Variants in STX2 observed in about 807,000 individuals in gnomAD.
STX2 encodes the protein syntaxin-2.
STX2 carries 27 observed loss-of-function variants against 40.6 expected under a neutral mutation model. The observed-to-expected ratio is 0.66, with a 90% confidence interval of 0.49 to 0.92. STX2 has a LOEUF of 0.92. Ranked by LOEUF, STX2 falls within the 40% of genes least tolerant of loss-of-function variation. STX2 has a pLI of 0.00. For missense variants in STX2, 328 were observed against 366.1 expected (o/e 0.90, Z 0.85); for synonymous variants, 123 against 119.1 (o/e 1.03, Z -0.22).
At chr12:130,819,093 C>T (rs1053554654) in intron 3 of STX2, among the ~76,000 whole-genome samples, 2 of 152,216 alleles carry the variant, frequency 1.3e-5, no homozygotes, top group East Asian at 1.9e-4. Context: ...GCAGGTGGCG[C>T]GGCGCGGGCG....
Position 130,796,786 on chromosome 12 carries a change from G to A in STX2, c.787-666C>T, listed in dbSNP as rs115793632. Among the ~76,000 whole-genome samples the A allele has an allele frequency of 4.5e-3, 678 of 152,200 alleles. 9 individuals are homozygous for A. The highest frequency in any genetic ancestry group is 0.016 in the African/African-American group (648 of 41,534). ...CCCCACTGCCTCGTCATGAAGCCCC[G>A]ACACACTCAGTACTTGGCCTTTCGC... On this transcript the variant is annotated intron_variant, in intron 9 of 10. Coordinates refer to ENST00000392373, the MANE Select transcript of STX2 (RefSeq NM_194356.4).
At chr12:130,819,832 G>C (rs1307132559) in intron 3 of STX2, among the ~76,000 whole-genome samples, 1 of 151,882 alleles carries the variant, frequency 6.6e-6, no homozygotes, top group Non-Finnish European at 1.5e-5. Context: ...GCTGGGCGAC[G>C]GCACGAAGAG....
Position 130,821,702 on chromosome 12 carries a change from T to C in STX2, c.192A>G (p.Pro64=). 1.9e-6 allele frequency: 3 copies of C among 1,613,774 alleles called. No homozygotes were observed. The South Asian group carries it at 3.3e-5, about 18-fold the overall frequency. Residue 64 remains proline (P), a synonymous_variant, in exon 3 of 11, where the codon CCA becomes CCG. Coordinates refer to ENST00000392373, the MANE Select transcript of STX2 (RefSeq NM_194356.4). ...CCAACAACTTACTTCCTTCCGGGTT[T>C]GGTGCAGAAAGAATGATGCTGTGGT... The part of the protein sequence containing the change: ...KKNHSIILSA[P]NPEGKIKEEL...
chr12:130,798,495 C>T (rs751604560), intron 9 of STX2, 30 bp downstream of exon 9: 15 of 1,542,006 alleles, frequency 9.7e-6, no homozygotes, highest in Middle Eastern at 1.7e-4. Flanking sequence ...AAGAGAAAAA[C>T]GCAGCTTAAT....
chr12:130,796,294 G>T (rs1315503946), intron 9 of STX2, among the ~76,000 whole-genome samples, 174 bp from the exon 10 acceptor site: 1 of 152,152 alleles, frequency 6.6e-6, no homozygotes, highest in Non-Finnish European at 1.5e-5. Flanking sequence ...AGGAGTTTGA[G>T]ACCAGCCTGG....
intron 6 of STX2, among the ~76,000 whole-genome samples, chr12:130,805,275 C>G (rs921914238): frequency 6.6e-6 from 1 of 152,302 alleles, no homozygotes; most frequent in East Asian, 1.9e-4. Context: ...CCACCAAAAT[C>G]TACAAAACGA....
intron 6 of STX2, among the ~76,000 whole-genome samples, chr12:130,802,418 G>A (rs778889870): frequency 2.6e-5 from 4 of 152,208 alleles, no homozygotes; most frequent in East Asian, 1.9e-4. Flanking sequence ...GGCTGGTCTC[G>A]AACTCCTGAC....
chr12:130,838,325 A>C (rs10848213), intron 1 of STX2, among the ~76,000 whole-genome samples: 27,815 of 152,206 alleles, frequency 0.18, 2,953 homozygotes, highest in Non-Finnish European at 0.23. Flanking sequence ...TTACACGTGT[A>C]GAATGCATCG....
intron 1 of STX2, among the ~76,000 whole-genome samples, chr12:130,830,373 C>T (rs922892110): frequency 2.0e-5 from 3 of 151,296 alleles, no homozygotes; most frequent in Non-Finnish European, 4.4e-5. Context: ...AGAGGCTCAA[C>T]CCTCCTCTCC....
intron 6 of STX2, among the ~76,000 whole-genome samples, chr12:130,806,590 C>G (rs1031490957): frequency 6.6e-6 from 1 of 152,288 alleles, no homozygotes; most frequent in Non-Finnish European, 1.5e-5. Context: ...CCATAGACAC[C>G]CCTGAAAAGA....
Position 130,821,752 on chromosome 12 carries a change from G to C in STX2, c.142C>G (p.Gln48Glu). ...TTTTTCTTTACTTCTTCAACATATTGAGTTATTTTATCAATACTGTTTCTA... is the reference window on the plus strand; with the variant it reads ...TTTTTCTTTACTTCTTCAACATATTCAGTTATTTTATCAATACTGTTTCTA... ...EIRNSIDKIT[Q>E]YVEEVKKNHS... The change falls in exon 3 of 11, where the codon CAA (glutamine) becomes GAA (glutamate). Residue 48 changes from glutamine (Q) to glutamate (E), a missense_variant. Gln to Glu is a conservative substitution (Grantham distance 29). Transcript: ENST00000392373. 1 of 1,612,738 alleles carries C rather than the reference G, an allele frequency of 6.2e-7. No homozygotes were observed. The highest frequency in any genetic ancestry group is 8.5e-7 in the Non-Finnish European group (1 of 1,178,810).
intron 2 of STX2, among the ~76,000 whole-genome samples, chr12:130,826,499 G>A (rs1020171722): frequency 1.3e-5 from 2 of 152,122 alleles, no homozygotes; most frequent in Admixed American, 6.6e-5. Flanking sequence ...CAACCCACGC[G>A]GAGGCCACGT....
intron 8 of STX2, among the ~76,000 whole-genome samples, chr12:130,799,237 T>C (rs1951135397): frequency 6.6e-6 from 1 of 152,200 alleles, no homozygotes; most frequent in Non-Finnish European, 1.5e-5. Flanking sequence ...GAGAGTTAAC[T>C]CACTCAGTCA....
chr12:130,805,693 C>T (rs1170595789), intron 6 of STX2, among the ~76,000 whole-genome samples: 1 of 152,156 alleles, frequency 6.6e-6, no homozygotes, highest in Non-Finnish European at 1.5e-5. Flanking sequence ...CCTCTAAATG[C>T]AAGATCCCAA....
chr12:130,801,442 G>A lies in STX2; in HGVS notation c.510C>T (p.Ser170=), dbSNP rs766046746. The change falls in exon 7 of 11, where the codon AGC becomes AGT. Residue 170 remains serine (S), a synonymous_variant. Coordinates refer to ENST00000392373, the MANE Select transcript of STX2 (RefSeq NM_194356.4). ...TDDELEEMLE[S]GKPSIFTSDI... The stretch of plus-strand genomic sequence containing the variant: ...CGGAAGTGAAGATGGATGGCTTCCC[G>A]CTCTCCAGCATCTCTTCTAGCTCGT... 6.0e-5 allele frequency: 97 copies of A among 1,611,034 alleles called. No individual in the cohort carries two copies. The East Asian group carries it at 1.9e-3, about 31-fold the overall frequency.
chr12:130,805,603 C>A (rs950578421), intron 6 of STX2, among the ~76,000 whole-genome samples: 1 of 152,304 alleles, frequency 6.6e-6, no homozygotes, highest in East Asian at 1.9e-4. Flanking sequence ...ATGAGGTTCA[C>A]GGCCATCAGA....
intron 3 of STX2, among the ~76,000 whole-genome samples, chr12:130,819,885 G>T (rs1344853394): frequency 6.6e-6 from 1 of 152,176 alleles, no homozygotes; most frequent in African/African-American, 2.4e-5. Context: ...CTGGCTGCAC[G>T]GACTAGCTCA....
In STX2 at chr12:130,826,912, C is replaced by T. The variant is rs188616093; in HGVS notation, c.105+281G>A. On this transcript the variant is annotated intron_variant, in intron 2 of 10. Transcript: ENST00000392373. The stretch of plus-strand genomic sequence containing the variant: ...TGGTCCCAGCTACTTGGGAGGCTGA[C>T]GCAAGAGAATCACTTGAACCTGGGA... 6.6e-5 allele frequency among the ~76,000 whole-genome samples: 10 copies of T among 151,244 alleles called. No homozygotes were observed. In the East Asian group the frequency reaches 1.4e-3, roughly 21 times the overall value.
At chr12:130,795,362 A>T (rs975326015) in intron 10 of STX2, among the ~76,000 whole-genome samples, 4 of 152,198 alleles carry the variant, frequency 2.6e-5, no homozygotes, top group Non-Finnish European at 5.9e-5. Context: ...GAGACAAAAC[A>T]TTACAACTGA....
Sources: allele counts gnomAD v4.1 joint callset (sites outside exome capture counted in the v4.1 genomes callset), GRCh38; gene constraint gnomAD v4.1.1; transcripts MANE v1.5; gene names NCBI Gene and HGNC (gene_info 2026-07-23, HGNC 2026-07-21).